The following CHD9 variants were observed in gnomAD, a reference collection of about 807,000 sequenced individuals.
CHD9 encodes ATP-dependent chromatin remodeler CHD9.
In CHD9, 77 loss-of-function variants were observed where a neutral mutation model predicts 316.1. That is an observed-to-expected ratio of 0.24 (90% CI 0.20 to 0.29). CHD9 has a LOEUF of 0.29. CHD9 is among the 10% of genes least tolerant of loss of function. CHD9 has a pLI of 1.00. For synonymous variants in CHD9, 1,129 were observed against 1,158.3 expected, an observed-to-expected ratio of 0.97 and a Z score of 0.51; for missense variants, 2,763 against 3,438.1, an observed-to-expected ratio of 0.80 and a Z score of 4.91.
intron 1 of CHD9, among the ~76,000 whole-genome samples, chr16:53,154,485 A>G (rs574336618): frequency 6.6e-6 from 1 of 152,312 alleles, no homozygotes; most frequent in Admixed American, 6.5e-5. Context: ...GATACTATGC[A>G]TCTTCTAGAG....
intron 2 of CHD9, among the ~76,000 whole-genome samples, chr16:53,187,716 G>T (rs1264916704): frequency 1.3e-5 from 2 of 152,012 alleles, no homozygotes; most frequent in East Asian, 3.9e-4. Context: ...ATATTGAGGA[G>T]GGGAAAAACA....
rs59577921 is a variant in CHD9 at position 53,146,419 on chromosome 16, G to GTATGTGTATATATATATATATATATATA, written c.-164-9504_-164-9503insGTGTATATATATATATATATATATATAT. Among the ~76,000 whole-genome samples the GTATGTGTATATATATATATATATATATA allele has an allele frequency of 3.0e-3, 230 of 76,662 alleles. 2 individuals are homozygous for GTATGTGTATATATATATATATATATATA. Among genetic ancestry groups the GTATGTGTATATATATATATATATATATA allele is most frequent in the Non-Finnish European group, 4.3e-3 (178 of 41,422 alleles). 50.3% of individuals were successfully genotyped at this position (76,662 alleles called of 152,430 possible). A position where few individuals can be genotyped will look rare whatever the true frequency, so the allele number is the denominator to read the frequency against. ...AAAAAAAAATTGTGTGTGTGTGTAT[G>GTATGTGTATATATATATATATATATATA]TATATATATATATATATAATTAAAA... On this transcript the variant is annotated intron_variant, in intron 1 of 38. Transcript: ENST00000447540.
rs1233976007 is a variant in CHD9 at position 53,249,899 on chromosome 16, G to A, written c.3694G>A (p.Val1232Ile). ...CTTATATGAGCGAATTGATGGCAGA[G>A]TCAGAGGAAATCTTCGGCAAGCTGC... ...RYLYERIDGR[V>I]RGNLRQAAID... The change falls in exon 17 of 39, where the codon GTC becomes ATC. Residue 1232 changes from valine (V) to isoleucine (I), a missense_variant. Val to Ile is a conservative substitution (Grantham distance 29). Around this residue, in one of 15 missense-constraint regions of CHD9, gnomAD observed 39 missense variants for 40.4 expected, o/e 0.97. Transcript: ENST00000447540. 2.5e-6 allele frequency: 4 copies of A among 1,613,518 alleles called. No homozygotes were observed. Among genetic ancestry groups the A allele is most frequent in the Admixed American group, 3.3e-5 (2 of 59,988 alleles).
intron 1 of CHD9, among the ~76,000 whole-genome samples, chr16:53,089,027 G>A (rs958200749): frequency 1.3e-5 from 2 of 152,158 alleles, no homozygotes; most frequent in Admixed American, 6.5e-5. Context: ...CAGAAGAATC[G>A]CTTGAACCTG....
At chr16:53,247,853 G>T (rs2049766861) in intron 16 of CHD9, 1 of 169,042 alleles carries the variant, frequency 5.9e-6, no homozygotes. Context: ...ATTGAAAAAA[G>T]TGATTCAAGA....
chr16:53,235,366 A>G (rs2048533687), intron 11 of CHD9, 60 bp downstream of exon 11: 2 of 1,176,474 alleles, frequency 1.7e-6, no homozygotes, highest in African/African-American at 3.1e-5. Context: ...AAATGTGTCA[A>G]GTAAAATAGA....
intron 1 of CHD9, among the ~76,000 whole-genome samples, chr16:53,153,060 A>T (rs1438598057): frequency 6.6e-6 from 1 of 152,190 alleles, no homozygotes; most frequent in African/African-American, 2.4e-5. Flanking sequence ...AATGCTGCTG[A>T]TAGGTAGTGT....
At chr16:53,114,383 G>T (rs548011047) in intron 1 of CHD9, among the ~76,000 whole-genome samples, 1 of 151,686 alleles carries the variant, frequency 6.6e-6, no homozygotes, top group African/African-American at 2.4e-5. Flanking sequence ...TCAGCCTCCC[G>T]AGTGGCTGGG....
At chr16:53,174,177 A>T (rs1438648873) in intron 2 of CHD9, among the ~76,000 whole-genome samples, 1 of 152,164 alleles carries the variant, frequency 6.6e-6, no homozygotes, top group Non-Finnish European at 1.5e-5. Context: ...CCAGCTCCTC[A>T]GGTGGCTGAG....
At chr16:53,231,990 G>A (rs372110581) in intron 10 of CHD9, among the ~76,000 whole-genome samples, 6 of 152,162 alleles carry the variant, frequency 3.9e-5, no homozygotes, top group South Asian at 2.1e-4. Flanking sequence ...GCACGAGAGT[G>A]AGGAAAGCTG....
intron 17 of CHD9, among the ~76,000 whole-genome samples, chr16:53,252,387 A>G (rs2050200349): frequency 6.6e-6 from 1 of 152,220 alleles, no homozygotes; most frequent in South Asian, 2.1e-4. Context: ...CTCTCATCTT[A>G]TACAAAAATC....
At chr16:53,064,982 AG>A (rs1385977642) in intron 1 of CHD9, among the ~76,000 whole-genome samples, 9 of 151,622 alleles carry the variant, frequency 5.9e-5, no homozygotes, top group Non-Finnish European at 1.0e-4. Flanking sequence ...AGAAAGAAAG[AG>A]AGAGAGAGAG....
chr16:53,116,064 C>CT (rs968264101), intron 1 of CHD9, among the ~76,000 whole-genome samples: 3 of 152,088 alleles, frequency 2.0e-5, no homozygotes, highest in East Asian at 3.9e-4. Flanking sequence ...TTTCTTTTTG[C>CT]TTTTTTTCTT....
chr16:53,254,245 A>C (rs570550617), intron 17 of CHD9, among the ~76,000 whole-genome samples, 193 bp from the exon 18 acceptor site: 1 of 152,246 alleles, frequency 6.6e-6, no homozygotes, highest in East Asian at 1.9e-4. Context: ...ATAAACCTAA[A>C]TTTTAACTTA....
At chr16:53,265,931 G>C (rs937722226) in intron 20 of CHD9, among the ~76,000 whole-genome samples, 1 of 149,644 alleles carries the variant, frequency 6.7e-6, no homozygotes. Flanking sequence ...AAGATTTGGG[G>C]AAAAAGACAT....
rs1470568924 is a variant in CHD9, at chr16:53,308,671, G to T, written c.7054-15G>T. The stretch of plus-strand genomic sequence containing the variant: ...TTTAACAGTTTCTGTCTTAATAATG[G>T]TATTTGTTTAACAGGAAGGTGGTTT... On this transcript the variant is annotated splice_polypyrimidine_tract_variant and intron_variant, in intron 33 of 38. Transcript: ENST00000447540. 1 of 1,595,564 alleles carries T rather than the reference G, an allele frequency of 6.3e-7. No homozygotes were observed. The highest frequency in any genetic ancestry group is 8.6e-7 in the Non-Finnish European group (1 of 1,166,420).
At position 53,267,433 on chromosome 16, in the gene CHD9, C is replaced by T. The variant is rs1295169165; in HGVS notation, c.4460C>T (p.Ser1487Phe). 1.2e-6 allele frequency: 2 copies of T among 1,611,518 alleles called. No homozygotes were observed. The highest frequency in any genetic ancestry group is 2.7e-5 in the African/African-American group (2 of 74,756). The change falls in exon 21 of 39, where the codon TCC becomes TTC. Residue 1487 changes from serine (S) to phenylalanine (F), a missense_variant. Ser to Phe is a radical substitution (Grantham distance 155). Transcript: ENST00000447540. ...KPKLRRPCDR[S>F]NGYGRTECFR... ...AAACTCCGGAGACCCTGTGACCGTT[C>T]CAATGGCTATGGAAGAACTGAATGC...
Position 53,314,408 on chromosome 16 carries a change from T to C in CHD9, c.7254T>C (p.Asn2418=). Residue 2418 remains asparagine (N), a synonymous_variant, in exon 35 of 39, where the codon AAT becomes AAC. Coordinates refer to ENST00000447540, the MANE Select transcript of CHD9 (RefSeq NM_001308319.2). ...CCATTCAACCAACCCTTGGTGCCAA[T>C]GGTGTGATATTAGACAACCAGCCTA... is the stretch of plus-strand genomic sequence containing the variant. ...GTSIQPTLGA[N]GVILDNQPIV... 4.4e-6 allele frequency: 7 copies of C among 1,586,664 alleles called. No homozygotes were observed. Among genetic ancestry groups the C allele is most frequent in the Non-Finnish European group, 6.0e-6 (7 of 1,165,380 alleles).
In CHD9 at chr16:53,325,008, T is replaced by A; in HGVS notation, c.*113T>A. The A allele has an allele frequency of 1.1e-6, 1 of 926,106 alleles. No individual in the cohort carries two copies. The highest frequency in any genetic ancestry group is 1.6e-6 in the Non-Finnish European group (1 of 637,762). 57.4% of individuals were successfully genotyped at this position (926,106 alleles called of 1,614,324 possible). On this transcript the variant is annotated 3_prime_UTR_variant, in exon 39 of 39. Coordinates refer to ENST00000447540, the MANE Select transcript of CHD9 (RefSeq NM_001308319.2). ...ATAACTTACTGACCGAACATTTCAG[T>A]TATTTGTTTAGAAGTGCAAACTGCT... is the stretch of plus-strand genomic sequence containing the variant.
Sources: allele counts gnomAD v4.1 joint callset (sites outside exome capture counted in the v4.1 genomes callset), GRCh38; gene constraint gnomAD v4.1.1; regional missense constraint gnomAD v4.1.1; transcripts MANE v1.5; gene names NCBI Gene and HGNC (gene_info 2026-07-23, HGNC 2026-07-21).